XPO1: variants seen among roughly 807,000 people sequenced by gnomAD.
XPO1 encodes exportin 1.
A neutral mutation model predicts 133.3 loss-of-function variants in XPO1; 5 were observed. The ratio of observed to expected loss-of-function variants is 0.04; its 90% CI spans 0.02 to 0.08. XPO1 has a LOEUF of 0.08. Among genes scored for constraint, XPO1 ranks in the 10% least tolerant of loss-of-function variants. The pLI, the probability that XPO1 is intolerant of heterozygous loss-of-function variation, is 1.00. For missense variants in XPO1, 506 were observed against 1,267.5 expected (o/e 0.40, Z 9.12); for synonymous variants, 419 against 408.2 (o/e 1.03, Z -0.32).
At position 61,477,849 on chromosome 2, in the gene XPO1, A is replaced by G. The variant is rs532317510; in HGVS notation, c.*971T>C. The G allele has an allele frequency of 1.0e-5, 2 of 192,726 alleles. No homozygotes were observed. Among genetic ancestry groups the G allele is most frequent in the African/African-American group, 4.6e-5 (2 of 43,164 alleles). 11.9% of individuals were successfully genotyped at this position (192,726 alleles called of 1,614,324 possible). On this transcript the variant is annotated 3_prime_UTR_variant, in exon 25 of 25. Coordinates refer to ENST00000401558, the MANE Select transcript of XPO1 (RefSeq NM_003400.4). ...ATCTTGTTTGTAAATCAAGGGGTCC[A>G]ACTTCATTTAAAATGTTACTTGATG...
chr2:61,490,496 G>A (rs1207200669), intron 17 of XPO1, 146 bp downstream of exon 17: 2 of 1,191,560 alleles, frequency 1.7e-6, no homozygotes, highest in South Asian at 1.5e-5. Flanking sequence ...ACCACACCTC[G>A]CCCAGATAAT....
intron 4 of XPO1, among the ~76,000 whole-genome samples, chr2:61,512,026 C>A (rs1461938423): frequency 6.6e-6 from 1 of 152,120 alleles, no homozygotes; most frequent in East Asian, 1.9e-4. Flanking sequence ...GCCTAGGCCT[C>A]CCAAAGTGCT....
At chr2:61,514,846 G>A (rs1698287272) in intron 4 of XPO1, among the ~76,000 whole-genome samples, 1 of 152,010 alleles carries the variant, frequency 6.6e-6, no homozygotes, top group South Asian at 2.1e-4. Context: ...AGGCCGAAGT[G>A]GACAGATCAC....
intron 6 of XPO1, among the ~76,000 whole-genome samples, chr2:61,500,544 AC>A (rs370182445): frequency 2.1e-4 from 27 of 131,170 alleles, no homozygotes; most frequent in African/African-American, 8.0e-4. Context: ...AGGCCACTGC[AC>A]TCAAGGCTGG....
Position 61,515,937 on chromosome 2 carries a change from C to A in XPO1, c.301+6674G>T, listed in dbSNP as rs866603074. Among the ~76,000 whole-genome samples the A allele has an allele frequency of 5.4e-3, 602 of 110,720 alleles. 1 individual carries two copies. Among genetic ancestry groups the A allele is most frequent in the Non-Finnish European group, 7.8e-3 (441 of 56,428 alleles). The allele number at this position is 110,720 out of a possible 152,430, so 72.6% of individuals were successfully genotyped here. On this transcript the variant is annotated intron_variant, in intron 4 of 24. Transcript: ENST00000401558. ...TCTCTACTAAAAAAAAAAAAAAAAA[C>A]CACACACACACACACACACACACAC...
In XPO1 at chr2:61,538,139, G is replaced by GC. The variant is rs1403454150; in HGVS notation, c.-585dup. On this transcript the variant is annotated 5_prime_UTR_variant, in exon 1 of 25. Coordinates refer to ENST00000401558, the MANE Select transcript of XPO1 (RefSeq NM_003400.4). Reference sequence around the variant, plus strand: ...CCCCCTCTGGGTGGTTGCACGGACTGCAGCAGCAAAGACTGGAACAGGCAC... The same window carrying GC: ...CCCCCTCTGGGTGGTTGCACGGACTGCCAGCAGCAAAGACTGGAACAGGCAC... The GC allele has an allele frequency of 4.7e-6, 1 of 210,790 alleles. No homozygotes were observed. The allele number at this position is 210,790 out of a possible 1,614,324, so 13.1% of individuals were successfully genotyped here.
At chr2:61,526,194 A>C (rs1698899198) in intron 3 of XPO1, 3 of 1,332,606 alleles carry the variant, frequency 2.3e-6, no homozygotes, top group South Asian at 1.8e-5. Context: ...AAAATCAGAC[A>C]ACCAAAAAAG....
chr2:61,498,822 C>A (rs760962418), intron 8 of XPO1, 30 bp from the exon 9 acceptor site: 1 of 1,610,048 alleles, frequency 6.2e-7, no homozygotes, highest in South Asian at 1.1e-5. Context: ...TAAATAATTG[C>A]TTTCCTATTA....
chr2:61,520,958 A>G (rs1031179982), intron 4 of XPO1, among the ~76,000 whole-genome samples: 8 of 152,218 alleles, frequency 5.3e-5, no homozygotes, highest in Non-Finnish European at 8.8e-5. Flanking sequence ...TGACTACACT[A>G]AAGATCCCTG....
At chr2:61,509,549 C>G (rs1435488292) in intron 4 of XPO1, among the ~76,000 whole-genome samples, 1 of 152,020 alleles carries the variant, frequency 6.6e-6, no homozygotes, top group African/African-American at 2.4e-5. Flanking sequence ...TCACTTCAAC[C>G]CAGGAGGCAG....
intron 9 of XPO1, among the ~76,000 whole-genome samples, chr2:61,497,936 A>G (rs1697324924): frequency 6.6e-6 from 1 of 152,266 alleles, no homozygotes; most frequent in Admixed American, 6.5e-5. Flanking sequence ...TTCAAATACT[A>G]TAAATCCATA....
At chr2:61,486,166 GAC>G (rs1573111603) in intron 19 of XPO1, among the ~76,000 whole-genome samples, 1 of 151,930 alleles carries the variant, frequency 6.6e-6, no homozygotes. Context: ...AAGTCTCATG[GAC>G]ACACTGTCAT....
rs1411541055 is a variant in XPO1 at position 61,502,389 on chromosome 2, T to C, written c.302-79A>G. ...CAAATAAATTTTGAGAACTAATTAA[T>C]GTGGGAATGGAAAGACTAAGTAAAA... On this transcript the variant is annotated intron_variant, in intron 4 of 24. Transcript: ENST00000401558. The C allele has an allele frequency of 4.6e-6, 6 of 1,307,446 alleles. No individual in the cohort carries two copies. In the South Asian group the frequency reaches 6.4e-5, roughly 14 times the overall value. 81.0% of individuals were successfully genotyped at this position (1,307,446 alleles called of 1,614,324 possible). A position where few individuals can be genotyped will look rare whatever the true frequency, so the allele number is the denominator to read the frequency against.
intron 4 of XPO1, among the ~76,000 whole-genome samples, chr2:61,521,588 T>C (rs1698691578): frequency 1.3e-5 from 2 of 152,196 alleles, no homozygotes; most frequent in African/African-American, 2.4e-5. Flanking sequence ...AAAAGTTAAA[T>C]TACTCATTAA....
intron 1 of XPO1, among the ~76,000 whole-genome samples, chr2:61,535,188 T>C (rs1395610235): frequency 6.6e-6 from 1 of 152,236 alleles, no homozygotes; most frequent in East Asian, 1.9e-4. Flanking sequence ...TTCCTCTGCT[T>C]TTCTTCAAAG....
At chr2:61,483,882 A>G (rs965212420) in intron 21 of XPO1, 55 bp downstream of exon 21, 28 of 1,544,932 alleles carry the variant, frequency 1.8e-5, no homozygotes, top group Admixed American at 5.2e-5. Flanking sequence ...ACAATTAACT[A>G]TATTTGTATT....
chr2:61,519,199 T>C (rs914674080), intron 4 of XPO1, among the ~76,000 whole-genome samples: 1 of 152,198 alleles, frequency 6.6e-6, no homozygotes, highest in Non-Finnish European at 1.5e-5. Flanking sequence ...TCTGCCTGCC[T>C]TGGCCTCCCA....
chr2:61,528,647 C>T (rs1409137598), intron 2 of XPO1, among the ~76,000 whole-genome samples: 1 of 118,748 alleles, frequency 8.4e-6, no homozygotes, highest in Non-Finnish European at 1.8e-5. Context: ...CGTGAGACTC[C>T]CTCTCAAAAA....
At chr2:61,493,306 C>A in intron 12 of XPO1, 1 of 329,404 alleles carries the variant, frequency 3.0e-6, no homozygotes, top group African/African-American at 2.1e-5. Context: ...GGGCTTAAAG[C>A]ACAACAGAAA....
Sources: allele counts gnomAD v4.1 joint callset (sites outside exome capture counted in the v4.1 genomes callset), GRCh38; gene constraint gnomAD v4.1.1; transcripts MANE v1.5; gene names NCBI Gene and HGNC (gene_info 2026-07-23, HGNC 2026-07-21).